Variants in KCNH7 observed in about 807,000 individuals in gnomAD.
KCNH7 encodes the protein potassium voltage-gated channel subfamily H member 7, also known as voltage-gated inwardly rectifying potassium channel KCNH7.
In KCNH7, 49 loss-of-function variants were observed where a neutral mutation model predicts 120.8. The ratio of observed to expected loss-of-function variants is 0.41; its 90% CI spans 0.32 to 0.51. The LOEUF is 0.51. Among genes scored for constraint, KCNH7 ranks in the 20% least tolerant of loss-of-function variants. The pLI is 0.38. For missense variants in KCNH7, 1,097 were observed against 1,446.6 expected (o/e 0.76, Z 3.92); for synonymous variants, 547 against 516.1 (o/e 1.06, Z -0.81).
chr2:162,478,477 C>T (rs866439932), intron 6 of KCNH7, among the ~76,000 whole-genome samples: 18 of 152,182 alleles, frequency 1.2e-4, no homozygotes, highest in African/African-American at 3.9e-4. Flanking sequence ...ATTTTAATTA[C>T]AATATTTACT....
intron 2 of KCNH7, among the ~76,000 whole-genome samples, chr2:162,588,766 A>G (rs561847152): frequency 6.6e-6 from 1 of 152,192 alleles, no homozygotes; most frequent in East Asian, 1.9e-4. Flanking sequence ...ATTTGAAACT[A>G]TATAATACAT....
chr2:162,548,094 T>C (rs1692541991), intron 2 of KCNH7, among the ~76,000 whole-genome samples: 1 of 152,238 alleles, frequency 6.6e-6, no homozygotes, highest in Non-Finnish European at 1.5e-5. Context: ...ATTTTTATTT[T>C]TATTCTTTTA....
intron 2 of KCNH7, among the ~76,000 whole-genome samples, chr2:162,610,358 C>T (rs1682926471): frequency 6.6e-6 from 1 of 152,106 alleles, no homozygotes; most frequent in South Asian, 2.1e-4. Context: ...GTATAGCTTT[C>T]CACACCATCT....
intron 2 of KCNH7, among the ~76,000 whole-genome samples, chr2:162,801,513 T>C (rs1354406705): frequency 2.0e-5 from 3 of 151,772 alleles, no homozygotes; most frequent in African/African-American, 4.8e-5. Flanking sequence ...TCTAAAATAA[T>C]TCAGCACCAC....
intron 2 of KCNH7, among the ~76,000 whole-genome samples, chr2:162,770,971 G>A (rs573056900): frequency 6.6e-6 from 1 of 152,136 alleles, no homozygotes; most frequent in African/African-American, 2.4e-5. Context: ...TCTTAGACTT[G>A]CCTTTTCTTC....
chr2:162,765,896 A>C (rs984048295), intron 2 of KCNH7, among the ~76,000 whole-genome samples: 2 of 152,090 alleles, frequency 1.3e-5, no homozygotes, highest in Admixed American at 1.3e-4. Context: ...AGTGTCGGGG[A>C]CCATGCCCCA....
At chr2:162,743,191 A>T (rs2105414360) in intron 2 of KCNH7, among the ~76,000 whole-genome samples, 1 of 152,316 alleles carries the variant, frequency 6.6e-6, no homozygotes, top group Non-Finnish European at 1.5e-5. Context: ...TACCATGTTA[A>T]CTTCTGGCAA....
intron 2 of KCNH7, among the ~76,000 whole-genome samples, chr2:162,798,881 T>C (rs1684241193): frequency 6.6e-6 from 1 of 151,952 alleles, no homozygotes; most frequent in African/African-American, 2.4e-5. Context: ...GAGTTCCCAA[T>C]TCAATAAGGG....
intron 2 of KCNH7, among the ~76,000 whole-genome samples, chr2:162,691,095 C>T (rs1417959499): frequency 6.6e-6 from 1 of 152,140 alleles, no homozygotes; most frequent in Non-Finnish European, 1.5e-5. Context: ...TCAGATAGCT[C>T]TCTAAATATT....
chr2:162,786,109 G>A (rs1683691465), intron 2 of KCNH7, among the ~76,000 whole-genome samples: 1 of 151,962 alleles, frequency 6.6e-6, no homozygotes, highest in Non-Finnish European at 1.5e-5. Flanking sequence ...TGAGCATGGT[G>A]GTGTGTGCCT....
At chr2:162,509,644 T>G (rs545480413) in intron 5 of KCNH7, among the ~76,000 whole-genome samples, 36 of 151,742 alleles carry the variant, frequency 2.4e-4, no homozygotes, top group African/African-American at 7.5e-4. Context: ...GACATATTAT[T>G]TGCAGGAGTA....
At chr2:162,652,263 C>G (rs549857038) in intron 2 of KCNH7, among the ~76,000 whole-genome samples, 1 of 152,044 alleles carries the variant, frequency 6.6e-6, no homozygotes, top group East Asian at 1.9e-4. Flanking sequence ...ACTTTTGAAG[C>G]CTTTAACTTA....
intron 2 of KCNH7, among the ~76,000 whole-genome samples, chr2:162,689,992 T>TA (rs992125526): frequency 1.3e-5 from 2 of 152,078 alleles, no homozygotes; most frequent in African/African-American, 4.8e-5. Context: ...TGCTCACCAA[T>TA]GATAGACTGG....
chr2:162,830,608 G>A (rs971171430), intron 2 of KCNH7, among the ~76,000 whole-genome samples: 1 of 152,158 alleles, frequency 6.6e-6, no homozygotes, highest in African/African-American at 2.4e-5. Flanking sequence ...TGGTTTGAAT[G>A]TAGTGTTCCT....
chr2:162,611,573 G>T (rs1446316362), intron 2 of KCNH7, among the ~76,000 whole-genome samples: 1 of 152,180 alleles, frequency 6.6e-6, no homozygotes, highest in Non-Finnish European at 1.5e-5. Flanking sequence ...ATCTAAAAAA[G>T]AACTGAATGG....
rs1434674815 is a variant in KCNH7 at position 162,650,198 on chromosome 2, A to G, written c.308-113118T>C. 2.0e-5 allele frequency among the ~76,000 whole-genome samples: 3 copies of G among 152,168 alleles called. No individual in the cohort carries two copies. The East Asian group carries it at 5.8e-4, about 29-fold the overall frequency. ...TGGTAGTAATTTGGAAGGTCTTTAGAGAATTCAGCATGGCTAAAGCTTTTC... is the reference window on the plus strand; with the variant it reads ...TGGTAGTAATTTGGAAGGTCTTTAGGGAATTCAGCATGGCTAAAGCTTTTC... On this transcript the variant is annotated intron_variant, in intron 2 of 15. Coordinates refer to ENST00000332142, the MANE Select transcript of KCNH7 (RefSeq NM_033272.4).
At chr2:162,716,112 T>A (rs10170308) in intron 2 of KCNH7, among the ~76,000 whole-genome samples, 7,023 of 152,246 alleles carry the variant, frequency 0.046, 524 homozygotes, top group African/African-American at 0.15. Context: ...TGTCTATCTA[T>A]ATAAAATAGG....
chr2:162,726,360 C>T (rs1687518506), intron 2 of KCNH7, among the ~76,000 whole-genome samples: 1 of 152,056 alleles, frequency 6.6e-6, no homozygotes, highest in Non-Finnish European at 1.5e-5. Context: ...TGAATTTTTA[C>T]AAGTATTATT....
chr2:162,372,003 G>A lies in KCNH7; in HGVS notation c.3417C>T (p.Asn1139=), dbSNP rs1442224064. 3 of 1,613,730 alleles carry A rather than the reference G, an allele frequency of 1.9e-6. No homozygotes were observed. Among genetic ancestry groups the A allele is most frequent in the South Asian group, 1.1e-5 (1 of 91,076 alleles). ...TGTCTTGTTTTAAAAGTGAAGTCAA[G>A]TTGTCTTCTGAAGCTGTGTTCAGAT... ...GVHLNTASED[N]LTSLLKQDSD... is the part of the protein sequence containing the mutation. Residue 1139 remains asparagine, a synonymous_variant, in exon 16 of 16, where the codon AAC becomes AAT. Transcript: ENST00000332142.
Sources: gnomAD v4.1 joint callset for allele counts (sites outside exome capture counted in the v4.1 genomes callset) on GRCh38, gnomAD v4.1.1 for gene constraint, MANE v1.5 for transcripts, NCBI Gene and HGNC (gene_info 2026-07-23, HGNC 2026-07-21) for gene names.